Variants in TRIB2 observed in about 807,000 individuals in gnomAD.
TRIB2 encodes tribbles pseudokinase 2.
TRIB2 carries 2 observed loss-of-function variants against 26.8 expected under a neutral mutation model. The ratio of observed to expected loss-of-function variants is 0.07; its 90% CI spans 0.03 to 0.24. TRIB2 has a LOEUF of 0.24. TRIB2 is among the 10% of genes least tolerant of loss of function. The pLI is 1.00. For synonymous variants in TRIB2, 189 were observed against 187.3 expected (o/e 1.01, Z -0.08); for missense variants, 306 against 449.0 (o/e 0.68, Z 2.88).
intron 2 of TRIB2, among the ~76,000 whole-genome samples, chr2:12,738,215 G>A (rs996185619): frequency 6.6e-6 from 1 of 152,080 alleles, no homozygotes; most frequent in Non-Finnish European, 1.5e-5. Context: ...TGGTGATCAC[G>A]CTGAAAGGCT....
chr2:12,725,116 C>T (rs750080364), intron 2 of TRIB2, among the ~76,000 whole-genome samples: 1 of 152,188 alleles, frequency 6.6e-6, no homozygotes, highest in Non-Finnish European at 1.5e-5. Context: ...ACTAGTAAGT[C>T]AGCTCTCAAG....
At chr2:12,731,257 CAAGCCAG>C (rs944105261) in intron 2 of TRIB2, among the ~76,000 whole-genome samples, 1 of 152,092 alleles carries the variant, frequency 6.6e-6, no homozygotes, top group African/African-American at 2.4e-5. Flanking sequence ...AGGCATGAGT[CAAGCCAG>C]AGGCACAAAG....
In TRIB2 at chr2:12,742,518, G is replaced by C. The variant is rs1661733207; in HGVS notation, c.*1724G>C. 6.7e-6 allele frequency: 1 copy of C among 149,230 alleles called. No individual in the cohort carries two copies. The highest frequency in any genetic ancestry group is 1.5e-5 in the Non-Finnish European group (1 of 67,256). The allele number at this position is 149,230 out of a possible 1,614,324, so 9.2% of individuals were successfully genotyped here. A position where few individuals can be genotyped will look rare whatever the true frequency, so the allele number is the denominator to read the frequency against. On this transcript the variant is annotated 3_prime_UTR_variant, in exon 3 of 3. Transcript: ENST00000155926. The stretch of plus-strand genomic sequence containing the variant: ...TTTTGCTAATGGAAGATAGAAAGGA[G>C]AGAAGGTTTTTTTTTTTTTTAACAT...
chr2:12,726,628 A>C (rs916775662), intron 2 of TRIB2, among the ~76,000 whole-genome samples: 2 of 152,250 alleles, frequency 1.3e-5, no homozygotes, highest in African/African-American at 4.8e-5. Context: ...AAGCTAAACC[A>C]CAGAGTTAAT....
intron 2 of TRIB2, among the ~76,000 whole-genome samples, chr2:12,734,900 T>A (rs1661534709): frequency 6.6e-6 from 1 of 152,198 alleles, no homozygotes; most frequent in Admixed American, 6.5e-5. Context: ...AGACTGTTCA[T>A]TCATTTCTGC....
chr2:12,742,566 G>A lies in TRIB2; in HGVS notation c.*1772G>A, dbSNP rs1444646704. 2.0e-5 allele frequency: 3 copies of A among 151,932 alleles called. No individual in the cohort carries two copies. Among genetic ancestry groups the A allele is most frequent in the African/African-American group, 7.3e-5 (3 of 41,144 alleles). 9.4% of individuals were successfully genotyped at this position (151,932 alleles called of 1,614,324 possible). A position where few individuals can be genotyped will look rare whatever the true frequency, so the allele number is the denominator to read the frequency against. ...CATTCTGAAGATGGTGCTGTGTCAA[G>A]AAGGACCTTTTTTTTCCCCTCTCCC... On this transcript the variant is annotated 3_prime_UTR_variant, in exon 3 of 3. Transcript: ENST00000155926.
chr2:12,717,287 G>C lies in TRIB2; in HGVS notation c.-1021G>C, dbSNP rs1015463878. ...AGTTCTCCAGCGGGAAAGGGGCAAA[G>C]GAACGCCGCGCGTTGGAAGGGCCAG... On this transcript the variant is annotated 5_prime_UTR_variant, in exon 1 of 3. Coordinates refer to ENST00000155926, the MANE Select transcript of TRIB2 (RefSeq NM_021643.4). This position sits in a 1 kb window ranked among gnomAD's most constrained non-coding sequence, Gnocchi z 4.8. 1.0e-5 allele frequency: 4 copies of C among 398,162 alleles called. No homozygotes were observed. The highest frequency in any genetic ancestry group is 1.8e-5 in the Non-Finnish European group (4 of 225,846). 24.7% of individuals were successfully genotyped at this position (398,162 alleles called of 1,614,324 possible).
chr2:12,738,894 G>A (rs780287495), intron 2 of TRIB2, among the ~76,000 whole-genome samples: 1 of 152,174 alleles, frequency 6.6e-6, no homozygotes, highest in Non-Finnish European at 1.5e-5. Flanking sequence ...ACACAATGAT[G>A]ACATCAGATC....
At chr2:12,729,617 G>C (rs985684705) in intron 2 of TRIB2, among the ~76,000 whole-genome samples, 2 of 152,164 alleles carry the variant, frequency 1.3e-5, no homozygotes, top group Non-Finnish European at 2.9e-5. Flanking sequence ...TCTATGGCAG[G>C]CTGTAATTTT....
chr2:12,725,946 A>G (rs1661332254), intron 2 of TRIB2, among the ~76,000 whole-genome samples: 1 of 152,186 alleles, frequency 6.6e-6, no homozygotes, highest in African/African-American at 2.4e-5. Flanking sequence ...CCATCTGATC[A>G]GTGAGGTTAC....
chr2:12,724,686 T>C (rs1344274588), intron 2 of TRIB2: 3 of 1,612,942 alleles, frequency 1.9e-6, no homozygotes, highest in Admixed American at 1.7e-5. Flanking sequence ...CGATACCCTC[T>C]GTGATCTTGG....
rs896077124 is a variant in TRIB2, at chr2:12,716,987, G to T, written c.-1321G>T. ...CGCGCACACGCGCACTCACGGCCCC[G>T]CTCGCTCCGAGATCCCCGGCCACGT... On this transcript the variant is annotated 5_prime_UTR_variant, in exon 1 of 3. Coordinates refer to ENST00000155926, the MANE Select transcript of TRIB2 (RefSeq NM_021643.4). The T allele has an allele frequency of 1.3e-5, 2 of 158,592 alleles. No homozygotes were observed. The highest frequency in any genetic ancestry group is 2.1e-4 in the South Asian group (1 of 4,864). 9.8% of individuals were successfully genotyped at this position (158,592 alleles called of 1,614,324 possible). A position where few individuals can be genotyped will look rare whatever the true frequency, so the allele number is the denominator to read the frequency against.
intron 2 of TRIB2, among the ~76,000 whole-genome samples, chr2:12,739,050 G>T (rs78527330): frequency 9.3e-4 from 141 of 152,202 alleles, no homozygotes; most frequent in African/African-American, 2.5e-3. Flanking sequence ...GGGGTAGGAT[G>T]CCTAGTTTGA....
intron 2 of TRIB2, among the ~76,000 whole-genome samples, chr2:12,739,524 TG>T (rs1661663563): frequency 6.6e-6 from 1 of 152,192 alleles, no homozygotes; most frequent in African/African-American, 2.4e-5. Context: ...ATTACAGGTT[TG>T]AGACACTGGG....
rs1163022649 is a variant in TRIB2, at chr2:12,740,560, C to A, written c.798C>A (p.Ile266=). The part of the protein sequence containing the change: ...DIEPSSLFSK[I]RRGQFNIPET... ...AACCCAGCTCCCTCTTCAGCAAGAT[C>A]CGGCGTGGCCAGTTCAACATTCCAG... The change falls in exon 3 of 3, where the codon ATC becomes ATA. Residue 266 remains isoleucine (I), a synonymous_variant. Coordinates refer to ENST00000155926, the MANE Select transcript of TRIB2 (RefSeq NM_021643.4). The surrounding 1 kb of genome is among the most constrained non-coding windows in gnomAD (Gnocchi z 5.8). The A allele has an allele frequency of 6.2e-7, 1 of 1,614,184 alleles. No homozygotes were observed. Among genetic ancestry groups the A allele is most frequent in the South Asian group, 1.1e-5 (1 of 91,082 alleles).
At chr2:12,739,201 G>A (rs1358688050) in intron 2 of TRIB2, among the ~76,000 whole-genome samples, 3 of 152,170 alleles carry the variant, frequency 2.0e-5, no homozygotes, top group African/African-American at 7.2e-5. Flanking sequence ...ACAAGGCCTT[G>A]GGAGTATGAG....
At chr2:12,735,504 C>G (rs1572484480) in intron 2 of TRIB2, among the ~76,000 whole-genome samples, 1 of 152,120 alleles carries the variant, frequency 6.6e-6, no homozygotes, top group East Asian at 1.9e-4. Context: ...CACCCAGCCA[C>G]TGCCTTGCCT....
intron 2 of TRIB2, among the ~76,000 whole-genome samples, chr2:12,736,106 T>C (rs756982393): frequency 1.4e-4 from 22 of 152,074 alleles, no homozygotes; most frequent in Non-Finnish European, 2.8e-4. Context: ...TGGGGACACC[T>C]GGGGGCAGGA....
In TRIB2 at chr2:12,732,080, CA is replaced by C. The variant is rs1455367891; in HGVS notation, c.564-8245del. On this transcript the variant is annotated intron_variant, in intron 2 of 2. Transcript: ENST00000155926. The surrounding 1 kb of genome is among the most constrained non-coding windows in gnomAD (Gnocchi z 4.2). Reference sequence around the variant, plus strand: ...GTTTCCCTTTCTGTTCCTATGGCGACAGGATGGACTTCCTCTGTGAAGCCCT... The same window carrying C: ...GTTTCCCTTTCTGTTCCTATGGCGACGGATGGACTTCCTCTGTGAAGCCCT... Among the ~76,000 whole-genome samples, 1 of 152,170 alleles carries C rather than the reference CA, an allele frequency of 6.6e-6. No individual in the cohort carries two copies. Among genetic ancestry groups the C allele is most frequent in the African/African-American group, 2.4e-5 (1 of 41,434 alleles).
Sources: gnomAD v4.1 joint callset for allele counts (sites outside exome capture counted in the v4.1 genomes callset) on GRCh38, gnomAD v4.1.1 for gene constraint, Gnocchi (gnomAD v3.1) non-coding constraint, MANE v1.5 for transcripts, NCBI Gene and HGNC (gene_info 2026-07-23, HGNC 2026-07-21) for gene names.